CDH12: variants seen among roughly 807,000 people sequenced by gnomAD.
CDH12 encodes cadherin-12.
CDH12 carries 41 observed loss-of-function variants against 74.1 expected under a neutral mutation model. The ratio of observed to expected loss-of-function variants is 0.55; its 90% confidence interval spans 0.43 to 0.72. The LOEUF (loss-of-function observed/expected upper bound fraction) is 0.72. Among genes scored for constraint, CDH12 ranks in the 30% least tolerant of loss-of-function variants. The pLI is 0.00. For synonymous variants in CDH12, 399 were observed against 355.0 expected (o/e 1.12, Z -1.39); for missense variants, 945 against 977.2 (o/e 0.97, Z 0.44).
In CDH12 at chr5:21,755,808, T is replaced by C. The variant is rs767051318; in HGVS notation, c.1668A>G (p.Gly556=). ...NTAGIETRRN[G]YSRRQQELYF... is the part of the protein sequence containing the mutation. ...ACAACTCTTGCTGCCTGCGGCTGTA[T>C]CCATTTCTTCGGGTTTCAATCCCCG... The change falls in exon 14 of 15, where the codon GGA becomes GGG. Residue 556 remains glycine (G), a synonymous_variant. Coordinates refer to ENST00000382254, the MANE Select transcript of CDH12 (RefSeq NM_004061.5). The C allele has an allele frequency of 1.9e-6, 3 of 1,614,062 alleles. No individual in the cohort carries two copies. The East Asian group carries it at 6.7e-5, about 36-fold the overall frequency.
chr5:21,798,470 T>C (rs1746921606), intron 10 of CDH12, among the ~76,000 whole-genome samples: 1 of 152,190 alleles, frequency 6.6e-6, no homozygotes, highest in Non-Finnish European at 1.5e-5. Flanking sequence ...TGAGCTTTTT[T>C]AGAGTTCTCT....
intron 1 of CDH12, among the ~76,000 whole-genome samples, chr5:22,583,825 T>C (rs1049416898): frequency 1.1e-4 from 17 of 152,154 alleles, no homozygotes; most frequent in African/African-American, 4.1e-4. Flanking sequence ...GTGTCTTCAT[T>C]GTGAAATTTA....
intron 6 of CDH12, among the ~76,000 whole-genome samples, chr5:21,943,556 G>A (rs1337339318): frequency 6.6e-6 from 1 of 152,112 alleles, no homozygotes; most frequent in Non-Finnish European, 1.5e-5. Flanking sequence ...AGGTCATCTG[G>A]GGTGTGCCAT....
At chr5:22,038,433 G>A (rs1457691076) in intron 5 of CDH12, among the ~76,000 whole-genome samples, 1 of 152,078 alleles carries the variant, frequency 6.6e-6, no homozygotes, top group East Asian at 1.9e-4. Context: ...GCCCCTCCCA[G>A]CCACTGCTGC....
At chr5:21,825,127 T>C (rs1441948121) in intron 8 of CDH12, among the ~76,000 whole-genome samples, 1 of 145,708 alleles carries the variant, frequency 6.9e-6, no homozygotes, top group Non-Finnish European at 1.5e-5. Flanking sequence ...CACACCAGCC[T>C]GGGGGACAGA....
At chr5:22,666,445 A>G (rs887674751) in intron 1 of CDH12, among the ~76,000 whole-genome samples, 73 of 151,518 alleles carry the variant, frequency 4.8e-4, no homozygotes, top group African/African-American at 1.7e-3. Flanking sequence ...GCCCGCCACT[A>G]CGCCCGGCTA....
intron 10 of CDH12, among the ~76,000 whole-genome samples, chr5:21,787,223 A>G (rs546204353): frequency 6.6e-6 from 1 of 152,244 alleles, no homozygotes; most frequent in South Asian, 2.1e-4. Context: ...GCAGAGAAAT[A>G]CTTTGTGAAT....
At chr5:22,523,981 A>AT (rs761099580) in intron 1 of CDH12, among the ~76,000 whole-genome samples, 3,749 of 142,230 alleles carry the variant, frequency 0.026, 68 homozygotes, top group Non-Finnish European at 0.04. Context: ...TATTATTATT[A>AT]TTTTTTTTTT....
chr5:22,201,751 G>A, intron 4 of CDH12, among the ~76,000 whole-genome samples: 1 of 152,194 alleles, frequency 6.6e-6, no homozygotes, highest in East Asian at 1.9e-4. Flanking sequence ...TAACATGGGG[G>A]TAATAGGGCA....
chr5:22,131,834 AG>A (rs962328474), intron 4 of CDH12, among the ~76,000 whole-genome samples: 24 of 152,102 alleles, frequency 1.6e-4, no homozygotes, highest in Admixed American at 1.3e-3. Flanking sequence ...ATCTGGCCCA[AG>A]GTAAAGAAAT....
chr5:22,040,996 G>A (rs1739534951), intron 5 of CDH12, among the ~76,000 whole-genome samples: 1 of 151,958 alleles, frequency 6.6e-6, no homozygotes, highest in African/African-American at 2.4e-5. Context: ...GTCAAAAATA[G>A]CAATAGCTAC....
At chr5:22,248,805 T>C (rs982732348) in intron 3 of CDH12, among the ~76,000 whole-genome samples, 4 of 152,134 alleles carry the variant, frequency 2.6e-5, no homozygotes, top group African/African-American at 9.6e-5. Context: ...TTGTACTCTC[T>C]CACTTATCAT....
intron 4 of CDH12, among the ~76,000 whole-genome samples, chr5:22,124,274 C>T (rs1225308792): frequency 6.6e-6 from 1 of 152,076 alleles, no homozygotes; most frequent in Non-Finnish European, 1.5e-5. Context: ...CATGCGTGGG[C>T]CACCACGCCC....
chr5:22,056,763 G>A (rs1740771281), intron 5 of CDH12, among the ~76,000 whole-genome samples: 1 of 152,082 alleles, frequency 6.6e-6, no homozygotes, highest in Non-Finnish European at 1.5e-5. Context: ...TCCCACATGT[G>A]GATTCAGTAA....
chr5:22,645,676 C>A (rs1212118204), intron 1 of CDH12, among the ~76,000 whole-genome samples: 2 of 151,962 alleles, frequency 1.3e-5, no homozygotes, highest in Non-Finnish European at 2.9e-5. Context: ...ACAGAGGAAT[C>A]TTTCATGAAA....
At chr5:22,384,179 T>G (rs970767902) in intron 3 of CDH12, among the ~76,000 whole-genome samples, 1 of 152,174 alleles carries the variant, frequency 6.6e-6, no homozygotes, top group Non-Finnish European at 1.5e-5. Flanking sequence ...ACTATATGCA[T>G]ACTGTAGTGC....
rs1180010152 is a variant in CDH12, at chr5:22,171,319, A to C, written c.-187+41179T>G. On this transcript the variant is annotated intron_variant, in intron 4 of 14. Coordinates refer to ENST00000382254, the MANE Select transcript of CDH12 (RefSeq NM_004061.5). ...TAATGTTCGTTAAGTGCTCCCAGCTACTTAGAATAAATGTACTAGATGGCT... is the reference window on the plus strand; with the variant it reads ...TAATGTTCGTTAAGTGCTCCCAGCTCCTTAGAATAAATGTACTAGATGGCT... Among the ~76,000 whole-genome samples the C allele has an allele frequency of 2.6e-5, 4 of 152,040 alleles. No homozygotes were observed. The South Asian group carries it at 6.2e-4, about 24-fold the overall frequency.
At chr5:22,575,118 C>A (rs1316665465) in intron 1 of CDH12, among the ~76,000 whole-genome samples, 1 of 152,138 alleles carries the variant, frequency 6.6e-6, no homozygotes, top group African/African-American at 2.4e-5. Context: ...TTTCATGACA[C>A]TAACAACGTT....
chr5:22,610,065 A>T (rs972154305), intron 1 of CDH12, among the ~76,000 whole-genome samples: 1 of 152,238 alleles, frequency 6.6e-6, no homozygotes, highest in South Asian at 2.1e-4. Flanking sequence ...CACTCCCTAT[A>T]TAGTTGTTCA....
Sources: allele counts gnomAD v4.1 joint callset (sites outside exome capture counted in the v4.1 genomes callset), GRCh38; gene constraint gnomAD v4.1.1; transcripts MANE v1.5; gene names NCBI Gene and HGNC (gene_info 2026-07-23, HGNC 2026-07-21).